Variants in CHN2 observed in about 807,000 individuals in gnomAD.
CHN2 encodes beta-chimaerin.
A neutral mutation model predicts 56.3 loss-of-function variants in CHN2; 35 were observed. That is an observed-to-expected ratio of 0.62 (90% CI 0.47 to 0.82). The LOEUF (loss-of-function observed/expected upper bound fraction) is 0.82. CHN2 is among the 40% of genes least tolerant of loss of function. CHN2 has a pLI of 0.00. For missense variants in CHN2, 491 were observed against 580.5 expected, an observed-to-expected ratio of 0.85 and a Z score of 1.58; for synonymous variants, 210 against 212.8, an observed-to-expected ratio of 0.99 and a Z score of 0.12.
intron 3 of CHN2, chr7:29,376,394 A>G (rs1238309322): frequency 2.6e-5 from 4 of 152,208 alleles, no homozygotes; most frequent in African/African-American, 9.7e-5. Flanking sequence ...CAGATAGTTC[A>G]TATCAATGGC....
In CHN2 at chr7:29,471,619, C is replaced by T. The variant is rs974768005; in HGVS notation, c.577-8660C>T. Among the ~76,000 whole-genome samples, 10 of 152,262 alleles carry T rather than the reference C, an allele frequency of 6.6e-5. No individual in the cohort carries two copies. In the East Asian group the frequency reaches 1.5e-3, roughly 24 times the overall value. On this transcript the variant is annotated intron_variant, in intron 6 of 12. Coordinates refer to ENST00000222792, the MANE Select transcript of CHN2 (RefSeq NM_004067.4). ...AGGAGGGGCAGTAAGACTGTTCCTT[C>T]GGCACTTCTGTGTGTCTCTCACATC...
chr7:29,358,079 C>T (rs1030014347), intron 2 of CHN2, among the ~76,000 whole-genome samples: 3 of 152,168 alleles, frequency 2.0e-5, no homozygotes, highest in African/African-American at 7.2e-5. Flanking sequence ...TTTGCCATAG[C>T]ATAGGACTTG....
chr7:29,308,524 C>T (rs1183831533), intron 1 of CHN2, among the ~76,000 whole-genome samples: 1 of 152,080 alleles, frequency 6.6e-6, no homozygotes, highest in African/African-American at 2.4e-5. Context: ...ACACAGCCAC[C>T]AACCATTCCA....
chr7:29,385,809 G>A (rs1800871284), intron 3 of CHN2, among the ~76,000 whole-genome samples: 1 of 152,160 alleles, frequency 6.6e-6, no homozygotes, highest in Non-Finnish European at 1.5e-5. Context: ...AATTTTGGGG[G>A]CAGAAGTGAA....
chr7:29,460,381 A>G (rs978573590), intron 6 of CHN2, among the ~76,000 whole-genome samples: 1 of 152,226 alleles, frequency 6.6e-6, no homozygotes, highest in Non-Finnish European at 1.5e-5. Context: ...ACTACTTGCC[A>G]TGCCCTGGAT....
At chr7:29,252,855 A>G (rs1291234235) in intron 1 of CHN2, among the ~76,000 whole-genome samples, 10 of 149,614 alleles carry the variant, frequency 6.7e-5, no homozygotes, top group Non-Finnish European at 1.3e-4. Flanking sequence ...TCGGCCTCCC[A>G]AAGTGCTGGG....
Position 29,146,649 on chromosome 7 carries a change from G to A in CHN2, c.66G>A (p.Trp22Ter), listed in dbSNP as rs1254391966. 1.9e-6 allele frequency: 3 copies of A among 1,550,472 alleles called. No homozygotes were observed. In the African/African-American group the frequency reaches 4.1e-5, roughly 21 times the overall value. The change falls in exon 1 of 7, where the codon TGG (tryptophan) becomes TGA (stop). Residue 22 changes from tryptophan to a stop codon, truncating the protein, a stop_gained. Transcript: ENST00000439384. LOFTEE classifies it high-confidence loss of function. The stretch of plus-strand genomic sequence containing the variant: ...CCAACCTCCTGGTCCCAGAAACCTG[G>A]CCGCATCAAGTCAGCGCTTCCCATG...
intron 6 of CHN2, among the ~76,000 whole-genome samples, chr7:29,456,939 G>T (rs1238867149): frequency 6.6e-6 from 1 of 152,088 alleles, no homozygotes; most frequent in Non-Finnish European, 1.5e-5. Context: ...CCCATCTGCA[G>T]CCCAGAATCC....
intron 7 of CHN2, chr7:29,483,710 A>G (rs1347000534): frequency 4.8e-6 from 2 of 420,666 alleles, no homozygotes; most frequent in Non-Finnish European, 6.7e-6. Context: ...TCTCTTTTGA[A>G]TGGTCCACCC....
chr7:29,444,864 C>T (rs1783919803), intron 6 of CHN2, among the ~76,000 whole-genome samples: 2 of 152,188 alleles, frequency 1.3e-5, no homozygotes, highest in Admixed American at 1.3e-4. Flanking sequence ...AGATCTGCCT[C>T]ATACATTTTG....
At chr7:29,227,879 TTCAAAAGAATTTCAC>T (rs1270536858) in intron 1 of CHN2, among the ~76,000 whole-genome samples, 21 of 152,164 alleles carry the variant, frequency 1.4e-4, no homozygotes, top group African/African-American at 5.1e-4. Flanking sequence ...GTAGTCCAAG[TTCAAAAGAATTTCAC>T]TCTTTCATTG....
chr7:29,263,168 G>GCAGGCACATCC (rs1789712192), intron 1 of CHN2, among the ~76,000 whole-genome samples: 2 of 152,188 alleles, frequency 1.3e-5, no homozygotes, highest in African/African-American at 4.8e-5. Flanking sequence ...GCCTGGGATT[G>GCAGGCACATCC]CAGGCACGCG....
At chr7:29,199,470 C>T (rs1470827648) in intron 1 of CHN2, 1 of 152,184 alleles carries the variant, frequency 6.6e-6, no homozygotes, top group Non-Finnish European at 1.5e-5. Flanking sequence ...AATTAAATTT[C>T]ACATCACCTA....
chr7:29,354,698 G>A (rs759720060), intron 2 of CHN2, 35 bp downstream of exon 2: 29 of 1,594,458 alleles, frequency 1.8e-5, no homozygotes, highest in Middle Eastern at 1.7e-4. Context: ...CCCAGAAGTC[G>A]TTAGCAGGCC....
At chr7:29,461,922 A>G (rs1008225381) in intron 6 of CHN2, among the ~76,000 whole-genome samples, 1 of 152,124 alleles carries the variant, frequency 6.6e-6, no homozygotes, top group Non-Finnish European at 1.5e-5. Flanking sequence ...ATACATACAT[A>G]TAATAAATTG....
Position 29,194,814 on chromosome 7 carries a change from C to CT in CHN2, c.-125dup. 1.3e-6 allele frequency: 1 copy of CT among 775,420 alleles called. No homozygotes were observed. The allele number at this position is 775,420 out of a possible 1,614,324, so 48.0% of individuals were successfully genotyped here. A position where few individuals can be genotyped will look rare whatever the true frequency, so the allele number is the denominator to read the frequency against. On this transcript the variant is annotated 5_prime_UTR_variant, in exon 1 of 13. Coordinates refer to ENST00000222792, the MANE Select transcript of CHN2 (RefSeq NM_004067.4). ...TGCAGGCAGAGTCCGGAGGCTGGTG[C>CT]TTTCTGCGCGTCCCCAGGACTTTGC...
intron 1 of CHN2, among the ~76,000 whole-genome samples, chr7:29,203,469 A>C (rs1350155782): frequency 2.9e-5 from 2 of 69,774 alleles, no homozygotes; most frequent in Admixed American, 1.8e-4. Context: ...CTCCGTCTCA[A>C]AAAAAAAAAA....
At chr7:29,397,013 A>G (rs6979372) in intron 4 of CHN2, 133,978 of 152,236 alleles carry the variant, frequency 0.88, 59,240 homozygotes, top group Non-Finnish European at 0.93. Flanking sequence ...TTCACAGAAC[A>G]TTCATCCTCA....
intron 1 of CHN2, among the ~76,000 whole-genome samples, chr7:29,226,086 T>TA (rs1325529580): frequency 2.6e-5 from 4 of 152,298 alleles, no homozygotes; most frequent in South Asian, 4.1e-4. Context: ...CCTTTCTTCT[T>TA]AAAAAATATC....
Sources: allele counts gnomAD v4.1 joint callset (sites outside exome capture counted in the v4.1 genomes callset), GRCh38; gene constraint gnomAD v4.1.1; transcripts MANE v1.5; gene names NCBI Gene and HGNC (gene_info 2026-07-23, HGNC 2026-07-21).